COL25A1: variants seen among roughly 807,000 people sequenced by gnomAD.
The protein encoded by COL25A1 is collagen alpha-1(XXV) chain.
A neutral mutation model predicts 128.4 loss-of-function variants in COL25A1; 103 were observed. The observed-to-expected ratio is 0.80, with a 90% CI of 0.68 to 0.94. The LOEUF (loss-of-function observed/expected upper bound fraction) is 0.94. COL25A1 is among the 40% of genes least tolerant of loss of function. The pLI, the probability that COL25A1 is intolerant of heterozygous loss-of-function variation, is 0.00. For synonymous variants in COL25A1, 279 were observed against 277.2 expected, an observed-to-expected ratio of 1.01 and a Z score of -0.06; for missense variants, 745 against 840.0, an observed-to-expected ratio of 0.89 and a Z score of 1.40.
intron 6 of COL25A1, among the ~76,000 whole-genome samples, chr4:108,985,214 G>A (rs1237609121): frequency 6.6e-6 from 1 of 152,130 alleles, no homozygotes; most frequent in Non-Finnish European, 1.5e-5. Context: ...TCTCTGTGGA[G>A]TGAAGAACAC....
chr4:109,027,430 A>T (rs10012573), intron 5 of COL25A1, among the ~76,000 whole-genome samples: 6 of 129,982 alleles, frequency 4.6e-5, no homozygotes, highest in African/African-American at 2.1e-4. Context: ...ACAGAGCAGG[A>T]GGGAGGAGAT....
chr4:109,287,443 C>T (rs376261808), intron 3 of COL25A1, among the ~76,000 whole-genome samples: 1 of 152,204 alleles, frequency 6.6e-6, no homozygotes, highest in East Asian at 1.9e-4. Context: ...TTGCCAGAGT[C>T]GACTGGCATT....
At chr4:109,017,021 C>T (rs933936834) in intron 5 of COL25A1, among the ~76,000 whole-genome samples, 1 of 152,234 alleles carries the variant, frequency 6.6e-6, no homozygotes, top group Non-Finnish European at 1.5e-5. Flanking sequence ...GGAGCCCAGA[C>T]CTAGGGACTC....
chr4:108,901,295 GT>G, intron 13 of COL25A1, 123 bp from the exon 14 acceptor site: 1 of 708,758 alleles, frequency 1.4e-6, no homozygotes, highest in East Asian at 2.7e-5. Context: ...GTGACTATTA[GT>G]TTAAATTCAA....
At chr4:109,280,082 C>G (rs1331092345) in intron 3 of COL25A1, among the ~76,000 whole-genome samples, 1 of 152,154 alleles carries the variant, frequency 6.6e-6, no homozygotes. Context: ...CTATCTGGGT[C>G]TGCTATAGAA....
intron 3 of COL25A1, among the ~76,000 whole-genome samples, chr4:109,073,018 T>C (rs1302116040): frequency 6.6e-6 from 1 of 152,194 alleles, no homozygotes; most frequent in Admixed American, 6.5e-5. Context: ...TTGAGACTTT[T>C]CTCTGAGGAC....
At position 108,808,951 on chromosome 4, in the gene COL25A1, A is replaced by T. The variant is rs1236013418; in HGVS notation, c.*4976T>A. ...ACAATGCAATTATCTCCAAACCGCA[A>T]ATCAAAAATCTTATGCATCTTTTGA... On this transcript the variant is annotated 3_prime_UTR_variant, in exon 38 of 38. Transcript: ENST00000399132. The T allele has an allele frequency of 6.6e-6, 1 of 152,210 alleles. No homozygotes were observed. Among genetic ancestry groups the T allele is most frequent in the Non-Finnish European group, 1.5e-5 (1 of 68,020 alleles). The allele number at this position is 152,210 out of a possible 1,614,324, so 9.4% of individuals were successfully genotyped here.
chr4:109,240,902 A>G (rs1779856118), intron 3 of COL25A1, among the ~76,000 whole-genome samples: 1 of 151,480 alleles, frequency 6.6e-6, no homozygotes. Context: ...ATCCCATATT[A>G]TAGTATAAAT....
intron 24 of COL25A1, among the ~76,000 whole-genome samples, chr4:108,857,354 G>T (rs1361613340): frequency 6.6e-6 from 1 of 151,920 alleles, no homozygotes; most frequent in Non-Finnish European, 1.5e-5. Context: ...GGGGAAAAGG[G>T]AATAATTTAG....
intron 19 of COL25A1, among the ~76,000 whole-genome samples, chr4:108,874,129 G>C (rs1739145348): frequency 6.6e-6 from 1 of 152,222 alleles, no homozygotes; most frequent in African/African-American, 2.4e-5. Context: ...CCAGGTCGGG[G>C]AAGAAGGCGG....
At chr4:109,128,629 C>G (rs1007639530) in intron 3 of COL25A1, among the ~76,000 whole-genome samples, 2 of 152,094 alleles carry the variant, frequency 1.3e-5, no homozygotes, top group African/African-American at 4.8e-5. Flanking sequence ...TGTTTGGTGC[C>G]CTGCAAATAA....
intron 12 of COL25A1, 84 bp from the exon 13 acceptor site, chr4:108,918,300 C>T (rs938433815): frequency 3.1e-6 from 3 of 973,122 alleles, no homozygotes; most frequent in Non-Finnish European, 4.6e-6. Context: ...GTTATGTAAG[C>T]CTTGCTAAAA....
At chr4:109,092,168 G>A (rs1579337728) in intron 3 of COL25A1, among the ~76,000 whole-genome samples, 1 of 152,150 alleles carries the variant, frequency 6.6e-6, no homozygotes, top group East Asian at 1.9e-4. Flanking sequence ...ACAAGTCCAC[G>A]GGGAGATCTG....
intron 5 of COL25A1, among the ~76,000 whole-genome samples, chr4:109,012,372 T>G (rs146222618): frequency 4.4e-4 from 66 of 151,672 alleles, no homozygotes; most frequent in African/African-American, 1.5e-3. Flanking sequence ...TCGCTCTGGC[T>G]ACGCTTGAGG....
chr4:109,252,601 A>C (rs918679172), intron 3 of COL25A1, among the ~76,000 whole-genome samples: 2 of 152,226 alleles, frequency 1.3e-5, no homozygotes, highest in African/African-American at 4.8e-5. Flanking sequence ...GGGTCTATCC[A>C]TATACCTCTT....
chr4:109,197,864 TTAAG>T (rs1293441437), intron 3 of COL25A1, among the ~76,000 whole-genome samples: 1 of 152,064 alleles, frequency 6.6e-6, no homozygotes, highest in Non-Finnish European at 1.5e-5. Context: ...TTCAATAAAA[TTAAG>T]TAACTAACAA....
intron 3 of COL25A1, among the ~76,000 whole-genome samples, chr4:109,226,069 T>C (rs1778784132): frequency 6.6e-6 from 1 of 152,102 alleles, no homozygotes; most frequent in South Asian, 2.1e-4. Context: ...TGAAATCATG[T>C]CTTTTGTGGT....
At chr4:109,000,243 C>T (rs1312157814) in intron 6 of COL25A1, among the ~76,000 whole-genome samples, 1 of 152,106 alleles carries the variant, frequency 6.6e-6, no homozygotes, top group Non-Finnish European at 1.5e-5. Context: ...ATGGACTAGG[C>T]ACCACATTAG....
At chr4:108,995,886 A>T (rs886276998) in intron 6 of COL25A1, among the ~76,000 whole-genome samples, 1 of 152,216 alleles carries the variant, frequency 6.6e-6, no homozygotes, top group Non-Finnish European at 1.5e-5. Flanking sequence ...TAAGTGAAGG[A>T]GAAATAAAAT....
Sources: gnomAD v4.1 joint callset for allele counts (sites outside exome capture counted in the v4.1 genomes callset) on GRCh38, gnomAD v4.1.1 for gene constraint, MANE v1.5 for transcripts, NCBI Gene and HGNC (gene_info 2026-07-23, HGNC 2026-07-21) for gene names.